Variants in ZNF609 observed in about 807,000 individuals in gnomAD.
ZNF609 encodes the protein zinc finger protein 609.
In ZNF609, 11 loss-of-function variants were observed where a neutral mutation model predicts 109.5. The ratio of observed to expected loss-of-function variants is 0.10; its 90% CI spans 0.06 to 0.17. The LOEUF (loss-of-function observed/expected upper bound fraction) is 0.17. Ranked by LOEUF, ZNF609 falls within the 10% of genes least tolerant of loss-of-function variation. The pLI, the probability that ZNF609 is intolerant of heterozygous loss-of-function variation, is 1.00. For missense variants in ZNF609, 1,559 were observed against 1,772.4 expected (o/e 0.88, Z 2.16); for synonymous variants, 646 against 662.0 (o/e 0.98, Z 0.37).
chr15:64,611,798 A>T (rs1342113859), intron 2 of ZNF609, among the ~76,000 whole-genome samples: 3 of 151,646 alleles, frequency 2.0e-5, no homozygotes, highest in Non-Finnish European at 4.4e-5. Context: ...CAGTGGCGCA[A>T]TCTTGGCTCA....
chr15:64,533,645 G>A (rs1022130071), intron 2 of ZNF609, among the ~76,000 whole-genome samples: 3 of 152,086 alleles, frequency 2.0e-5, no homozygotes, highest in Admixed American at 6.6e-5. Context: ...TTGTTTCAGT[G>A]TGGTTTTTGT....
chr15:64,553,480 T>C (rs1235617231), intron 2 of ZNF609, among the ~76,000 whole-genome samples: 1 of 151,882 alleles, frequency 6.6e-6, no homozygotes, highest in Non-Finnish European at 1.5e-5. Context: ...TACTTTACTA[T>C]TTTATGTTTT....
intron 1 of ZNF609, among the ~76,000 whole-genome samples, chr15:64,477,690 G>A (rs935164916): frequency 3.3e-5 from 5 of 150,088 alleles, no homozygotes; most frequent in Admixed American, 1.3e-4. Flanking sequence ...GTGCAGTGGC[G>A]CGATCTCAGC....
intron 2 of ZNF609, among the ~76,000 whole-genome samples, chr15:64,615,817 C>G (rs1287178134): frequency 6.6e-6 from 1 of 152,196 alleles, no homozygotes. Context: ...ACAATCTTAT[C>G]TGATAATTCT....
chr15:64,574,734 C>A (rs2140417191), intron 2 of ZNF609, among the ~76,000 whole-genome samples: 1 of 152,228 alleles, frequency 6.6e-6, no homozygotes, highest in South Asian at 2.1e-4. Context: ...GATGCCCCCT[C>A]CCTCCTCTCT....
At chr15:64,574,691 C>A (rs1894919797) in intron 2 of ZNF609, among the ~76,000 whole-genome samples, 1 of 152,170 alleles carries the variant, frequency 6.6e-6, no homozygotes, top group African/African-American at 2.4e-5. Flanking sequence ...AGTATTTCCA[C>A]ATGATTGCTC....
chr15:64,503,044 G>T (rs187644599), intron 2 of ZNF609: 1 of 137,520 alleles, frequency 7.3e-6, no homozygotes, highest in Non-Finnish European at 1.6e-5. Context: ...AGGCAATAGA[G>T]CCAGACCTTG....
chr15:64,612,090 G>GCA (rs1895725060), intron 2 of ZNF609, among the ~76,000 whole-genome samples: 1 of 151,578 alleles, frequency 6.6e-6, no homozygotes, highest in Non-Finnish European at 1.5e-5. Flanking sequence ...ACCTTGAGTA[G>GCA]GTACTGATTG....
At chr15:64,632,913 C>T (rs1896107090) in intron 3 of ZNF609, among the ~76,000 whole-genome samples, 1 of 151,532 alleles carries the variant, frequency 6.6e-6, no homozygotes, top group South Asian at 2.1e-4. Context: ...GCTGGGACTA[C>T]AGGCACACAC....
intron 2 of ZNF609, among the ~76,000 whole-genome samples, chr15:64,508,350 T>C (rs966692472): frequency 2.0e-5 from 3 of 152,322 alleles, no homozygotes; most frequent in African/African-American, 4.8e-5. Flanking sequence ...TTTATAAATA[T>C]TCTGTCCTTA....
intron 5 of ZNF609, among the ~76,000 whole-genome samples, 191 bp from the exon 6 acceptor site, chr15:64,677,925 G>C (rs1478359490): frequency 6.6e-6 from 1 of 152,186 alleles, no homozygotes; most frequent in African/African-American, 2.4e-5. Context: ...GTGCAGAGGT[G>C]GGGGCGGGGG....
intron 3 of ZNF609, chr15:64,643,931 A>G (rs1275438288): frequency 6.6e-6 from 1 of 152,034 alleles, no homozygotes; most frequent in African/African-American, 2.4e-5. Context: ...CCCCTTCTCT[A>G]TCAAAAAAAA....
chr15:64,561,195 G>A (rs1894674176), intron 2 of ZNF609, among the ~76,000 whole-genome samples: 1 of 152,148 alleles, frequency 6.6e-6, no homozygotes, highest in South Asian at 2.1e-4. Context: ...TTTATCTAAC[G>A]TGGTACCCTC....
intron 1 of ZNF609, among the ~76,000 whole-genome samples, chr15:64,462,398 C>A (rs1370944897): frequency 6.6e-6 from 1 of 152,152 alleles, no homozygotes; most frequent in Admixed American, 6.5e-5. Flanking sequence ...ATATTTAATT[C>A]TTTTATATGA....
chr15:64,666,261 G>A (rs1896647101), intron 3 of ZNF609, among the ~76,000 whole-genome samples: 1 of 150,038 alleles, frequency 6.7e-6, no homozygotes, highest in South Asian at 2.1e-4. Context: ...ATGCATGGTG[G>A]CACACGCCTG....
chr15:64,663,095 G>A (rs1157735858), intron 3 of ZNF609, among the ~76,000 whole-genome samples: 1 of 152,112 alleles, frequency 6.6e-6, no homozygotes, highest in Admixed American at 6.5e-5. Context: ...GGATATGAGA[G>A]GTTTTATTTA....
At chr15:64,493,476 G>A (rs1881566451) in intron 1 of ZNF609, among the ~76,000 whole-genome samples, 1 of 152,140 alleles carries the variant, frequency 6.6e-6, no homozygotes, top group African/African-American at 2.4e-5. Context: ...TTTTTAAGCA[G>A]GAGTGCTTTG....
chr15:64,586,187 G>T (rs550153004), intron 2 of ZNF609, among the ~76,000 whole-genome samples: 10 of 152,114 alleles, frequency 6.6e-5, no homozygotes, highest in African/African-American at 2.4e-4. Flanking sequence ...TTAGCCGGGC[G>T]TGGTGGCACG....
At chr15:64,618,988 C>G (rs1352496540) in intron 2 of ZNF609, among the ~76,000 whole-genome samples, 2 of 152,064 alleles carry the variant, frequency 1.3e-5, no homozygotes, top group Non-Finnish European at 2.9e-5. Context: ...CCTGATGGAG[C>G]CCTAGCCAGG....
Sources: allele counts gnomAD v4.1 joint callset (sites outside exome capture counted in the v4.1 genomes callset), GRCh38; gene constraint gnomAD v4.1.1; transcripts MANE v1.5; gene names NCBI Gene and HGNC (gene_info 2026-07-23, HGNC 2026-07-21).